Variants in DERA observed in about 807,000 individuals in gnomAD.
The protein encoded by DERA is 2-deoxy-D-ribose 5-phosphate aldolase.
DERA carries 15 observed loss-of-function variants against 41.1 expected under a neutral mutation model. The observed-to-expected ratio is 0.37, with a 90% CI of 0.24 to 0.56. DERA has a LOEUF of 0.56. Among genes scored for constraint, DERA ranks in the 20% least tolerant of loss-of-function variants. The probability of loss-of-function intolerance (pLI) is 0.81; values close to 1 mark genes in which losing one functional copy is unlikely to be tolerated. For synonymous variants in DERA, 139 were observed against 137.4 expected, an observed-to-expected ratio of 1.01 and a Z score of -0.08; for missense variants, 396 against 403.4, an observed-to-expected ratio of 0.98 and a Z score of 0.16.
intron 1 of DERA, among the ~76,000 whole-genome samples, chr12:15,923,637 T>C (rs920813217): frequency 1.3e-5 from 2 of 152,282 alleles, no homozygotes; most frequent in African/African-American, 2.4e-5. Context: ...AAAATTCTTA[T>C]GTGAACAGAG....
At chr12:15,926,345 A>G (rs1168452066) in intron 1 of DERA, among the ~76,000 whole-genome samples, 5 of 152,250 alleles carry the variant, frequency 3.3e-5, no homozygotes, top group Middle Eastern at 3.4e-3. Context: ...GTATTTTGAT[A>G]TAAACTTTTC....
chr12:16,025,049 C>T (rs930767445), intron 6 of DERA, among the ~76,000 whole-genome samples: 1 of 151,516 alleles, frequency 6.6e-6, no homozygotes, highest in African/African-American at 2.4e-5. Flanking sequence ...CTAGGGCAGT[C>T]ACTAAAATAT....
intron 1 of DERA, among the ~76,000 whole-genome samples, chr12:15,939,278 G>A (rs1948392783): frequency 6.6e-6 from 1 of 152,220 alleles, no homozygotes; most frequent in East Asian, 1.9e-4. Context: ...TCTGAGTTTA[G>A]CCACACAAGA....
rs553885374 is a variant in DERA at position 15,945,276 on chromosome 12, A to G, written c.32-11660A>G. Among the ~76,000 whole-genome samples, 39 of 152,290 alleles carry G rather than the reference A, an allele frequency of 2.6e-4. No individual in the cohort carries two copies. The South Asian group carries it at 7.0e-3, about 27-fold the overall frequency. ...TTCCAATTCTGTGAAGAAAGTCATT[A>G]GTAGCTTGATGGGGATGGCATTGAA... On this transcript the variant is annotated intron_variant, in intron 1 of 8. Coordinates refer to ENST00000428559, the MANE Select transcript of DERA (RefSeq NM_015954.4).
chr12:15,943,996 G>C lies in DERA; in HGVS notation c.32-12940G>C, dbSNP rs188894849. Among the ~76,000 whole-genome samples, 47 of 150,188 alleles carry C rather than the reference G, an allele frequency of 3.1e-4. No homozygotes were observed. Among genetic ancestry groups the C allele is most frequent in the African/African-American group, 1.1e-3 (45 of 40,834 alleles). Reference sequence around the variant, plus strand: ...ATGCGGTGTTTGGTTTTTTGTCCTTGTGATAGTTTGCTGAGAATGATGGTT... The same window carrying C: ...ATGCGGTGTTTGGTTTTTTGTCCTTCTGATAGTTTGCTGAGAATGATGGTT... On this transcript the variant is annotated intron_variant, in intron 1 of 8. Coordinates refer to ENST00000428559, the MANE Select transcript of DERA (RefSeq NM_015954.4). The surrounding 1 kb of genome is among the most constrained non-coding windows in gnomAD (Gnocchi z 4.5).
intron 1 of DERA, 24 bp from the exon 2 acceptor site, chr12:15,956,912 A>C (rs746617704): frequency 6.4e-7 from 1 of 1,563,284 alleles, no homozygotes; most frequent in Admixed American, 1.7e-5. Flanking sequence ...TAGGTTTCAG[A>C]AAGTGTTTTT....
At position 15,990,378 on chromosome 12, in the gene DERA, ATG is replaced by A. The variant is rs1948793566; in HGVS notation, c.637+7945_637+7946del. The stretch of plus-strand genomic sequence containing the variant: ...ATGATTAATTGAGAATCACAATTAG[ATG>A]TGGTCTAGTTAATGATATGTTTGTG... On this transcript the variant is annotated intron_variant, in intron 6 of 8. Coordinates refer to ENST00000428559, the MANE Select transcript of DERA (RefSeq NM_015954.4). The surrounding 1 kb of genome is among the most constrained non-coding windows in gnomAD (Gnocchi z 4.3). Among the ~76,000 whole-genome samples the A allele has an allele frequency of 1.3e-5, 2 of 152,326 alleles. No homozygotes were observed. The highest frequency in any genetic ancestry group is 4.1e-4 in the South Asian group (2 of 4,828).
intron 5 of DERA, among the ~76,000 whole-genome samples, chr12:15,979,480 A>G (rs1948719466): frequency 6.6e-6 from 1 of 152,246 alleles, no homozygotes; most frequent in African/African-American, 2.4e-5. Flanking sequence ...CAATCACTTG[A>G]TAGAGCCCAG....
Position 15,972,932 on chromosome 12 carries a change from T to C in DERA, c.509-9376T>C, listed in dbSNP as rs898258466. Among the ~76,000 whole-genome samples the C allele has an allele frequency of 6.6e-6, 1 of 152,138 alleles. No homozygotes were observed. The highest frequency in any genetic ancestry group is 1.5e-5 in the Non-Finnish European group (1 of 68,020). On this transcript the variant is annotated intron_variant, in intron 5 of 8. Coordinates refer to ENST00000428559, the MANE Select transcript of DERA (RefSeq NM_015954.4). This position sits in a 1 kb window ranked among gnomAD's most constrained non-coding sequence, Gnocchi z 4.4. ...AGGTAGGGCCAGTTGTCAACCTGAT[T>C]TGGATGCTGTTTCAAACATGCAGTC...
In DERA at chr12:16,002,663, T is replaced by C. The variant is rs187884845; in HGVS notation, c.637+20227T>C. On this transcript the variant is annotated intron_variant, in intron 6 of 8. Coordinates refer to ENST00000428559, the MANE Select transcript of DERA (RefSeq NM_015954.4). ...AAGTGTATAATACAACATTACTAAT[T>C]AGAGTCCCATGCTGTACATCCTCTT... 9.1e-4 allele frequency among the ~76,000 whole-genome samples: 139 copies of C among 152,290 alleles called. 1 individual carries two copies. Among genetic ancestry groups the C allele is most frequent in the Middle Eastern group, 3.4e-3 (1 of 294 alleles).
chr12:15,924,811 T>A lies in DERA; in HGVS notation c.31+13397T>A, dbSNP rs1365046475. 6.6e-6 allele frequency among the ~76,000 whole-genome samples: 1 copy of A among 152,246 alleles called. No homozygotes were observed. The highest frequency in any genetic ancestry group is 1.5e-5 in the Non-Finnish European group (1 of 68,032). ...CCTCTGCTAGACTTTTCAACACTGA[T>A]CTGCTAAGATACTTTGCCTTCTTTT... is the stretch of plus-strand genomic sequence containing the variant. On this transcript the variant is annotated intron_variant, in intron 1 of 8. Coordinates refer to ENST00000428559, the MANE Select transcript of DERA (RefSeq NM_015954.4). The surrounding 1 kb of genome is among the most constrained non-coding windows in gnomAD (Gnocchi z 5.0).
intron 1 of DERA, among the ~76,000 whole-genome samples, chr12:15,948,762 G>T (rs542823540): frequency 6.6e-6 from 1 of 152,186 alleles, no homozygotes; most frequent in South Asian, 2.1e-4. Flanking sequence ...TCCTTTGGAC[G>T]GGGAGAGGCA....
chr12:15,959,805 G>A lies in DERA; in HGVS notation c.278-24G>A, dbSNP rs1948569284. On this transcript the variant is annotated intron_variant, in intron 3 of 8. Transcript: ENST00000428559. This position sits in a 1 kb window ranked among gnomAD's most constrained non-coding sequence, Gnocchi z 4.5. ...ATGAGTTGAACTTCATTGAAAGTTGGCTATTCCTATTTTTTCTTGATAGGC... is the reference window on the plus strand; with the variant it reads ...ATGAGTTGAACTTCATTGAAAGTTGACTATTCCTATTTTTTCTTGATAGGC... 6.6e-7 allele frequency: 1 copy of A among 1,504,632 alleles called. No individual in the cohort carries two copies. The highest frequency in any genetic ancestry group is 9.0e-7 in the Non-Finnish European group (1 of 1,108,848). 93.2% of individuals were successfully genotyped at this position (1,504,632 alleles called of 1,614,324 possible).
intron 6 of DERA, among the ~76,000 whole-genome samples, chr12:16,018,707 G>C (rs1949000208): frequency 6.6e-6 from 1 of 152,042 alleles, no homozygotes; most frequent in Non-Finnish European, 1.5e-5. Flanking sequence ...TGTAATTATA[G>C]TCCTTAGAAA....
rs754264577 is a variant in DERA at position 15,984,775 on chromosome 12, T to G, written c.637+2339T>G. Among the ~76,000 whole-genome samples the G allele has an allele frequency of 6.6e-6, 1 of 152,228 alleles. No individual in the cohort carries two copies. Among genetic ancestry groups the G allele is most frequent in the East Asian group, 1.9e-4 (1 of 5,200 alleles). On this transcript the variant is annotated intron_variant, in intron 6 of 8. Transcript: ENST00000428559. The surrounding 1 kb of genome is among the most constrained non-coding windows in gnomAD (Gnocchi z 4.5). The stretch of plus-strand genomic sequence containing the variant: ...AGCATGTAGCATACTTCCTGGCCTA[T>G]AGTTTATACTTCCTACTCTGTTAAG...
chr12:16,002,930 A>G (rs1037005035), intron 6 of DERA, among the ~76,000 whole-genome samples: 13 of 152,168 alleles, frequency 8.5e-5, no homozygotes, highest in Non-Finnish European at 1.5e-4. Flanking sequence ...TTCATTCTGA[A>G]ATATAAATGA....
rs138034496 is a variant in DERA at position 15,969,517 on chromosome 12, G to A, written c.508+6570G>A. On this transcript the variant is annotated intron_variant, in intron 5 of 8. Transcript: ENST00000428559. Reference sequence around the variant, plus strand: ...CAATGGGCAATTGGAAGTACCATTCGTCTCCTGTATCCAGAGCCTCATGTA... The same window carrying A: ...CAATGGGCAATTGGAAGTACCATTCATCTCCTGTATCCAGAGCCTCATGTA... 2.1e-3 allele frequency among the ~76,000 whole-genome samples: 320 copies of A among 152,236 alleles called. 4 individuals carry two copies. Among genetic ancestry groups the A allele is most frequent in the Non-Finnish European group, 5.3e-4 (36 of 68,024 alleles).
chr12:16,032,515 A>C, intron 6 of DERA, 27 bp from the exon 7 acceptor site: 1 of 1,223,638 alleles, frequency 8.2e-7, no homozygotes, highest in Non-Finnish European at 1.1e-6. Flanking sequence ...TTTAATTAAC[A>C]TGGAGTTTTT....
At chr12:15,934,013 A>C (rs1264963533) in intron 1 of DERA, among the ~76,000 whole-genome samples, 1 of 152,182 alleles carries the variant, frequency 6.6e-6, no homozygotes. Flanking sequence ...AAGGCCTCCA[A>C]CATCAAGTTG....
Sources: gnomAD v4.1 joint callset for allele counts (sites outside exome capture counted in the v4.1 genomes callset) on GRCh38, gnomAD v4.1.1 for gene constraint, Gnocchi (gnomAD v3.1) non-coding constraint, MANE v1.5 for transcripts, NCBI Gene and HGNC (gene_info 2026-07-23, HGNC 2026-07-21) for gene names.